CAST: variants seen among roughly 807,000 people sequenced by gnomAD.
The protein encoded by CAST is MIR583 host.
In CAST, 76 loss-of-function variants were observed where a neutral mutation model predicts 119.6. That is an observed-to-expected ratio of 0.64 (90% CI 0.53 to 0.77). CAST has a LOEUF of 0.77. CAST is among the 30% of genes least tolerant of loss of function. CAST has a pLI of 0.00. For synonymous variants in CAST, 319 were observed against 331.6 expected, an observed-to-expected ratio of 0.96 and a Z score of 0.41; for missense variants, 953 against 946.5, an observed-to-expected ratio of 1.01 and a Z score of -0.09.
chr5:96,733,976 G>A (rs1761129396), intron 9 of CAST, among the ~76,000 whole-genome samples: 2 of 152,186 alleles, frequency 1.3e-5, no homozygotes, highest in African/African-American at 4.8e-5. Context: ...AAAAGACAAT[G>A]TACCTGGGGC....
chr5:95,989,707 T>G, the CAST span, among the ~76,000 whole-genome samples: 1 of 152,130 alleles, frequency 6.6e-6, no homozygotes, highest in African/African-American at 2.4e-5. Context: ...TTAGAAAGAC[T>G]TTAGGAAAAA....
intron 3 of CAST, among the ~76,000 whole-genome samples, chr5:96,699,670 G>T (rs1753662449): frequency 6.6e-6 from 1 of 152,192 alleles, no homozygotes; most frequent in Non-Finnish European, 1.5e-5. Context: ...TGATTGGCCA[G>T]TGTAAATCAC....
the CAST span, among the ~76,000 whole-genome samples, chr5:96,493,359 T>C: frequency 2.0e-5 from 3 of 152,230 alleles, no homozygotes; most frequent in African/African-American, 7.2e-5. Context: ...AGGTAAGGAA[T>C]AGAGTGAAGA....
At chr5:96,477,767 A>T in the CAST span, among the ~76,000 whole-genome samples, 1 of 152,172 alleles carries the variant, frequency 6.6e-6, no homozygotes, top group Admixed American at 6.5e-5. Flanking sequence ...GCCGTGTTGG[A>T]ACTTATAATC....
the CAST span, among the ~76,000 whole-genome samples, chr5:96,469,882 A>ATAATATATATT: frequency 6.9e-6 from 1 of 144,158 alleles, no homozygotes; most frequent in East Asian, 2.1e-4. Context: ...TATATATAAT[A>ATAATATATATT]TATATATACA....
At chr5:96,412,844 G>T in the CAST span, 3 of 556,166 alleles carry the variant, frequency 5.4e-6, no homozygotes, top group South Asian at 4.8e-5. Flanking sequence ...CAGCATCCTT[G>T]GATGAGAGGA....
At chr5:95,988,819 C>T in the CAST span, among the ~76,000 whole-genome samples, 2 of 152,112 alleles carry the variant, frequency 1.3e-5, no homozygotes, top group Non-Finnish European at 2.9e-5. Context: ...GATAAATGCT[C>T]AGTGAATTTT....
the CAST span, among the ~76,000 whole-genome samples, chr5:96,260,783 G>A: frequency 3.4e-4 from 52 of 152,208 alleles, no homozygotes; most frequent in Middle Eastern, 3.2e-3. Flanking sequence ...TGGGTTAGAT[G>A]ATCTCAAAAG....
At chr5:96,102,723 GT>G in the CAST span, among the ~76,000 whole-genome samples, 1,457 of 142,136 alleles carry the variant, frequency 0.01, 19 homozygotes, top group African/African-American at 0.029. Context: ...TTTTCTTGGG[GT>G]TTTTTTTTTT....
chr5:96,662,124 A>C (rs1483476764), upstream of CAST: 1 of 329,286 alleles, frequency 3.0e-6, no homozygotes, highest in Non-Finnish European at 5.5e-6. Context: ...CTTTCTGACC[A>C]ACCGGGACCA....
chr5:96,045,977 T>C, the CAST span, among the ~76,000 whole-genome samples: 1 of 152,166 alleles, frequency 6.6e-6, no homozygotes, highest in Non-Finnish European at 1.5e-5. Context: ...CCCCGATTTT[T>C]AACATAAAGA....
At chr5:96,446,431 G>C in the CAST span, among the ~76,000 whole-genome samples, 1 of 152,110 alleles carries the variant, frequency 6.6e-6, no homozygotes, top group East Asian at 1.9e-4. Flanking sequence ...AGGAGGGACT[G>C]GACAGCCCCA....
chr5:96,180,693 ATAAAG>A, the CAST span, among the ~76,000 whole-genome samples: 1 of 152,254 alleles, frequency 6.6e-6, no homozygotes, highest in Non-Finnish European at 1.5e-5. Context: ...CTTTTTAAAA[ATAAAG>A]TAAGGCATAT....
the CAST span, among the ~76,000 whole-genome samples, chr5:96,190,469 G>A: frequency 6.0e-4 from 91 of 152,194 alleles, no homozygotes; most frequent in Admixed American, 2.9e-3. Context: ...GGAATTAGGC[G>A]CCATCTTTGC....
chr5:96,551,589 G>A (rs972571051), intron 1 of CAST, among the ~76,000 whole-genome samples: 2 of 151,938 alleles, frequency 1.3e-5, no homozygotes, highest in Non-Finnish European at 2.9e-5. Context: ...AAATGTAAAT[G>A]GGCTAAATGC....
the CAST span, among the ~76,000 whole-genome samples, chr5:96,348,023 A>G: frequency 1.3e-5 from 2 of 152,180 alleles, no homozygotes; most frequent in African/African-American, 4.8e-5. Flanking sequence ...TCAAAAGATG[A>G]TGCCAGACAA....
the CAST span, among the ~76,000 whole-genome samples, chr5:96,491,634 T>C: frequency 2.0e-5 from 3 of 151,972 alleles, no homozygotes; most frequent in African/African-American, 7.2e-5. Flanking sequence ...AAGTTGATTA[T>C]ATTCCTGTGA....
chr5:96,009,270 A>G, the CAST span, among the ~76,000 whole-genome samples: 1 of 152,208 alleles, frequency 6.6e-6, no homozygotes, highest in Non-Finnish European at 1.5e-5. Flanking sequence ...GGCAATGAAC[A>G]TAAGAGTGAT....
At chr5:96,267,219 C>T in the CAST span, among the ~76,000 whole-genome samples, 7 of 151,912 alleles carry the variant, frequency 4.6e-5, no homozygotes, top group Admixed American at 3.9e-4. Flanking sequence ...TATTGATGTT[C>T]AAGAGGGAGT....
Sources: gnomAD v4.1 joint callset for allele counts (sites outside exome capture counted in the v4.1 genomes callset) on GRCh38, gnomAD v4.1.1 for gene constraint, MANE v1.5 for transcripts, NCBI Gene and HGNC (gene_info 2026-07-23, HGNC 2026-07-21) for gene names.